Variants in PUM3 observed in about 807,000 individuals in gnomAD.
PUM3 encodes the protein pumilio homolog 3.
In PUM3, 91 loss-of-function variants were observed where a neutral mutation model predicts 84.0. The observed-to-expected ratio is 1.08, with a 90% CI of 0.91 to 1.29. The LOEUF is 1.29. PUM3 is among the 50% of genes most tolerant of loss of function. PUM3 has a pLI of 0.00. For synonymous variants in PUM3, 321 were observed against 266.7 expected, an observed-to-expected ratio of 1.20 and a Z score of -1.98; for missense variants, 1,067 against 767.5, an observed-to-expected ratio of 1.39 and a Z score of -4.61.
chr9:2,811,786 T>C (rs1446284400), intron 14 of PUM3, among the ~76,000 whole-genome samples: 2 of 147,644 alleles, frequency 1.4e-5, no homozygotes, highest in Non-Finnish European at 3.0e-5. Flanking sequence ...ACGATCTGAA[T>C]AGTGCCTGGC....
chr9:2,824,903 G>T, intron 10 of PUM3, 88 bp from the exon 11 acceptor site: 2 of 809,828 alleles, frequency 2.5e-6, no homozygotes, highest in Non-Finnish European at 3.5e-6. Flanking sequence ...GGGCAGTTAT[G>T]CAGAGAGAAG....
At position 2,810,127 on chromosome 9, in the gene PUM3, T is replaced by C. The variant is rs574472603; in HGVS notation, c.1723+217A>G. On this transcript the variant is annotated intron_variant, in intron 16 of 17. Transcript: ENST00000397885. ...GGTGGGGGGGGCTGGCGGGGGGGGT[T>C]TGGAAAAAAGAAAATTAAAAGAGTT... Among the ~76,000 whole-genome samples the C allele has an allele frequency of 2.2e-4, 33 of 151,050 alleles. 1 individual carries two copies. The South Asian group carries it at 6.3e-3, about 29-fold the overall frequency.
At chr9:2,825,976 C>G (rs1015252975) in intron 10 of PUM3, among the ~76,000 whole-genome samples, 5 of 152,154 alleles carry the variant, frequency 3.3e-5, no homozygotes, top group Admixed American at 1.3e-4. Flanking sequence ...ATCTAACAAT[C>G]CCTTCCCAAG....
intron 13 of PUM3, among the ~76,000 whole-genome samples, chr9:2,816,086 G>T (rs556990054): frequency 6.6e-6 from 1 of 152,156 alleles, no homozygotes; most frequent in East Asian, 1.9e-4. Context: ...GTTGAGGGTA[G>T]AAATGTAAAA....
At chr9:2,833,535 AT>A in intron 4 of PUM3, 103 bp from the exon 5 acceptor site, 1 of 587,318 alleles carries the variant, frequency 1.7e-6, no homozygotes, top group Non-Finnish European at 2.8e-6. Flanking sequence ...GTTCAGCATG[AT>A]TTTCTTTTCT....
rs776719805 is a variant in PUM3 at position 2,807,836 on chromosome 9, G to T, written c.1792C>A (p.Arg598=). The change falls in exon 17 of 18, where the codon CGA becomes AGA. Residue 598 remains arginine, a synonymous_variant. Transcript: ENST00000397885. The stretch of plus-strand genomic sequence containing the variant: ...TACCTAGAAAGAATAATGGCACCTC[G>T]ATTTACACTAGCCCAGGACTTCAGG... ...KNLKSWASVN[R]GAIILSSLLQ... The T allele has an allele frequency of 1.2e-6, 2 of 1,613,058 alleles. No individual in the cohort carries two copies. Among genetic ancestry groups the T allele is most frequent in the South Asian group, 1.1e-5 (1 of 91,050 alleles).
chr9:2,821,482 A>G (rs146758811), intron 12 of PUM3, among the ~76,000 whole-genome samples: 1 of 150,010 alleles, frequency 6.7e-6, no homozygotes, highest in African/African-American at 2.4e-5. Context: ...GAGTCAGATC[A>G]CACTAAAACA....
In PUM3 at chr9:2,824,588, T is replaced by C. The variant is rs75089648; in HGVS notation, c.1134+129A>G. 2,105 of 474,696 alleles carry C rather than the reference T, an allele frequency of 4.4e-3. 35 individuals are homozygous for C. Among genetic ancestry groups the C allele is most frequent in the African/African-American group, 0.039 (1,957 of 50,218 alleles). The allele number at this position is 474,696 out of a possible 1,614,324, so 29.4% of individuals were successfully genotyped here. ...CCCATCAGGCTCTAAGGCACAACTT[T>C]TGGAAGATAATGCACAACAGGGCAA... On this transcript the variant is annotated intron_variant, in intron 11 of 17. Transcript: ENST00000397885.
chr9:2,835,611 T>C (rs1193499824), intron 3 of PUM3, among the ~76,000 whole-genome samples: 1 of 152,214 alleles, frequency 6.6e-6, no homozygotes, highest in African/African-American at 2.4e-5. Flanking sequence ...ACAGAGGGCA[T>C]ATTTACCATT....
chr9:2,804,547 G>C (rs1317608965), intron 17 of PUM3, 84 bp from the exon 18 acceptor site: 2 of 1,288,636 alleles, frequency 1.6e-6, no homozygotes, highest in Non-Finnish European at 2.1e-6. Flanking sequence ...AAAAGACTTT[G>C]TTAACTGTGA....
chr9:2,830,318 A>G (rs765311996), intron 7 of PUM3, among the ~76,000 whole-genome samples: 14 of 152,250 alleles, frequency 9.2e-5, no homozygotes, highest in Non-Finnish European at 1.0e-4. Context: ...AATTTTGTCA[A>G]CTGCATATAT....
chr9:2,831,812 T>C (rs752663836), intron 5 of PUM3, among the ~76,000 whole-genome samples: 4 of 152,196 alleles, frequency 2.6e-5, no homozygotes, highest in African/African-American at 4.8e-5. Context: ...CCTAAAGAAA[T>C]AAATACAACT....
intron 13 of PUM3, among the ~76,000 whole-genome samples, chr9:2,819,421 A>T (rs888717907): frequency 6.6e-6 from 1 of 152,212 alleles, no homozygotes; most frequent in Non-Finnish European, 1.5e-5. Context: ...AATTTCTGAA[A>T]TGTCAAAAGG....
intron 17 of PUM3, among the ~76,000 whole-genome samples, chr9:2,805,801 T>C (rs1417645612): frequency 6.6e-6 from 1 of 152,108 alleles, no homozygotes; most frequent in Non-Finnish European, 1.5e-5. Context: ...TCATTTTTTT[T>C]ACCACCAAGA....
chr9:2,812,192 G>T, intron 14 of PUM3, 28 bp downstream of exon 14: 5 of 1,602,112 alleles, frequency 3.1e-6, no homozygotes, highest in Non-Finnish European at 4.3e-6. Context: ...GAGGAATAAA[G>T]AAGTCAAGCC....
chr9:2,823,756 GA>G (rs778499119), intron 12 of PUM3, 24 bp downstream of exon 12: 2 of 1,099,392 alleles, frequency 1.8e-6, no homozygotes, highest in African/African-American at 1.6e-5. Flanking sequence ...AAAATAATTA[GA>G]ATATGTAGTT....
intron 8 of PUM3, 98 bp from the exon 9 acceptor site, chr9:2,828,876 C>A (rs778540686): frequency 2.0e-5 from 15 of 744,270 alleles, no homozygotes; most frequent in Non-Finnish European, 3.0e-5. Flanking sequence ...TAAGTTTTAA[C>A]AAATTTAAGA....
At chr9:2,840,200 T>C (rs964117000) in intron 1 of PUM3, among the ~76,000 whole-genome samples, 6 of 152,218 alleles carry the variant, frequency 3.9e-5, no homozygotes, top group African/African-American at 1.4e-4. Context: ...ATGTTAACCG[T>C]GTTCACTTGG....
At chr9:2,827,745 C>T (rs1021175200) in intron 9 of PUM3, among the ~76,000 whole-genome samples, 21 of 152,212 alleles carry the variant, frequency 1.4e-4, no homozygotes, top group Admixed American at 1.1e-3. Flanking sequence ...AAAACTAACA[C>T]TGCCTTTATG....
Sources: allele counts gnomAD v4.1 joint callset (sites outside exome capture counted in the v4.1 genomes callset), GRCh38; gene constraint gnomAD v4.1.1; transcripts MANE v1.5; gene names NCBI Gene and HGNC (gene_info 2026-07-23, HGNC 2026-07-21).